Variants in GMEB2 observed in about 807,000 individuals in gnomAD.
The protein encoded by GMEB2 is glucocorticoid modulatory element-binding protein 2.
Under a neutral mutation model 45.7 loss-of-function variants are expected in GMEB2, and 7 were observed. The observed-to-expected ratio is 0.15, with a 90% CI of 0.09 to 0.29. The LOEUF (loss-of-function observed/expected upper bound fraction) is 0.29, where lower values mean the gene tolerates loss of function less well. Ranked by LOEUF, GMEB2 falls within the 10% of genes least tolerant of loss-of-function variation. GMEB2 has a pLI of 1.00. For synonymous variants in GMEB2, 322 were observed against 323.6 expected (o/e 1.00, Z 0.05); for missense variants, 582 against 739.2 (o/e 0.79, Z 2.47).
chr20:63,620,463 G>A (rs1169710539), intron 1 of GMEB2, among the ~76,000 whole-genome samples: 3 of 152,212 alleles, frequency 2.0e-5, no homozygotes. Context: ...GTCAGAGTGT[G>A]GGGGAGGCGA....
chr20:63,619,033 C>T lies in GMEB2; in HGVS notation c.131+234G>A, dbSNP rs924982328. ...CACGGCCTTTCAGGACGTGGAGCCA[C>T]GTGGCCATGCAGGTACGGGAGGCCT... On this transcript the variant is annotated intron_variant, in intron 2 of 9. Transcript: ENST00000370077. The surrounding 1 kb of genome is among the most constrained non-coding windows in gnomAD (Gnocchi z 4.6). Among the ~76,000 whole-genome samples, 1 of 152,216 alleles carries T rather than the reference C, an allele frequency of 6.6e-6. No homozygotes were observed. The highest frequency in any genetic ancestry group is 2.4e-5 in the African/African-American group (1 of 41,452).
chr20:63,589,102 C>A lies in GMEB2; in HGVS notation c.*987G>T, dbSNP rs11696509. ...CTGTTCCGTGGCCAAGCAGCCCAAG[C>A]TGAAGGGCCCACATGGGAATCCTCG... On this transcript the variant is annotated 3_prime_UTR_variant, in exon 10 of 10. Transcript: ENST00000370077. 4 of 399,108 alleles carry A rather than the reference C, an allele frequency of 1.0e-5. No individual in the cohort carries two copies. In the East Asian group the frequency reaches 1.4e-4, roughly 14 times the overall value. 24.7% of individuals were successfully genotyped at this position (399,108 alleles called of 1,614,324 possible).
intron 4 of GMEB2, among the ~76,000 whole-genome samples, chr20:63,600,399 T>C (rs2083233320): frequency 6.6e-6 from 1 of 151,590 alleles, no homozygotes; most frequent in Non-Finnish European, 1.5e-5. Context: ...TGCAGCTGCC[T>C]TGCTCTTCGG....
chr20:63,604,332 C>T (rs925736870), intron 3 of GMEB2, among the ~76,000 whole-genome samples: 1 of 152,032 alleles, frequency 6.6e-6, no homozygotes, highest in African/African-American at 2.4e-5. Context: ...GAACGGTGAT[C>T]GTGCCACTGC....
At chr20:63,614,853 A>G (rs1321296660) in intron 2 of GMEB2, among the ~76,000 whole-genome samples, 1 of 152,164 alleles carries the variant, frequency 6.6e-6, no homozygotes, top group African/African-American at 2.4e-5. Flanking sequence ...CGTGACCCAC[A>G]TGACCTTACC....
At chr20:63,618,734 C>G (rs925098156) in intron 2 of GMEB2, among the ~76,000 whole-genome samples, 1 of 152,172 alleles carries the variant, frequency 6.6e-6, no homozygotes, top group African/African-American at 2.4e-5. Context: ...GCCTTTATTT[C>G]ACCCCAGCAG....
chr20:63,624,373 G>A (rs758198548), intron 1 of GMEB2, among the ~76,000 whole-genome samples: 13 of 150,908 alleles, frequency 8.6e-5, no homozygotes, highest in Non-Finnish European at 1.6e-4. Flanking sequence ...AGGTTGCAGC[G>A]AGCCAAGATT....
chr20:63,616,553 G>A (rs565568863), intron 2 of GMEB2, among the ~76,000 whole-genome samples: 3 of 152,256 alleles, frequency 2.0e-5, no homozygotes, highest in Non-Finnish European at 2.9e-5. Context: ...AGGAGCAGGA[G>A]GGTGCGCGCA....
chr20:63,609,931 C>T (rs79811489), intron 2 of GMEB2, among the ~76,000 whole-genome samples: 1 of 148,560 alleles, frequency 6.7e-6, no homozygotes, highest in East Asian at 2.0e-4. Flanking sequence ...CTGACCCCAC[C>T]TCCATTTCTA....
intron 1 of GMEB2, among the ~76,000 whole-genome samples, chr20:63,623,669 G>C (rs1457698145): frequency 1.3e-5 from 2 of 152,018 alleles, no homozygotes; most frequent in Admixed American, 1.3e-4. Flanking sequence ...GCGGTGGCAG[G>C]TGCCTGTAAT....
Position 63,613,521 on chromosome 20 carries a change from C to CTT in GMEB2, c.131+5744_131+5745dup, listed in dbSNP as rs11481490. Among the ~76,000 whole-genome samples the CTT allele has an allele frequency of 2.1e-3, 294 of 139,496 alleles. 2 individuals are homozygous for CTT. The highest frequency in any genetic ancestry group is 5.8e-3 in the Admixed American group (80 of 13,844). The allele number at this position is 139,496 out of a possible 152,430, so 91.5% of individuals were successfully genotyped here. A position where few individuals can be genotyped will look rare whatever the true frequency, so the allele number is the denominator to read the frequency against. ...TTTATTACTACAACATTTTTGTTTT[C>CTT]TTTTTTTTTTTTTTTTGAGACTGAG... On this transcript the variant is annotated intron_variant, in intron 2 of 9. Coordinates refer to ENST00000370077, the MANE Select transcript of GMEB2 (RefSeq NM_012384.5).
chr20:63,591,251 GCA>G (rs1203632698), intron 9 of GMEB2, among the ~76,000 whole-genome samples: 1 of 152,136 alleles, frequency 6.6e-6, no homozygotes, highest in East Asian at 1.9e-4. Flanking sequence ...AACACACAGT[GCA>G]CACACACTGA....
intron 3 of GMEB2, among the ~76,000 whole-genome samples, chr20:63,603,429 T>C (rs755524543): frequency 1.5e-4 from 23 of 152,244 alleles, no homozygotes; most frequent in Non-Finnish European, 2.9e-4. Flanking sequence ...GGGCCTTTAA[T>C]CTCAGGCAAA....
At chr20:63,626,644 G>T (rs1039300859) in intron 1 of GMEB2, among the ~76,000 whole-genome samples, 1 of 151,720 alleles carries the variant, frequency 6.6e-6, no homozygotes, top group African/African-American at 2.4e-5. Context: ...CCTGCGGGTC[G>T]CACCCCTGCG....
chr20:63,590,229 G>C lies in GMEB2; in HGVS notation c.1453C>G (p.Pro485Ala). 6.2e-7 allele frequency: 1 copy of C among 1,611,388 alleles called. No individual in the cohort carries two copies. Among genetic ancestry groups the C allele is most frequent in the South Asian group, 1.1e-5 (1 of 91,020 alleles). ...GCCTGGGCCACGTTCTGCAGGGTGG[G>C]GCCCAGGCCAGGCAACGTGAGCAGC... is the stretch of plus-strand genomic sequence containing the variant. ...LQLLTLPGLG[P>A]TLQNVAQASP... The change falls in exon 10 of 10, where the codon CCC (proline) becomes GCC (alanine). Residue 485 changes from proline (P) to alanine (A), a missense_variant. By Grantham distance (27) the Pro-to-Ala change is conservative (BLOSUM62 -1). Around this residue, in one of 3 missense-constraint regions of GMEB2, gnomAD observed 462 missense variants for 586.7 expected, o/e 0.79. Coordinates refer to ENST00000370077, the MANE Select transcript of GMEB2 (RefSeq NM_012384.5).
intron 2 of GMEB2, among the ~76,000 whole-genome samples, chr20:63,610,561 A>G (rs2089561711): frequency 6.6e-6 from 1 of 152,074 alleles, no homozygotes; most frequent in African/African-American, 2.4e-5. Flanking sequence ...TAGCAAGAGG[A>G]AGTCTCAATT....
chr20:63,625,749 C>A (rs1189948799), intron 1 of GMEB2, among the ~76,000 whole-genome samples: 1 of 152,016 alleles, frequency 6.6e-6, no homozygotes, highest in Non-Finnish European at 1.5e-5. Context: ...AAGTGCACAC[C>A]ACCACGCCCG....
At chr20:63,603,253 A>T (rs2083254289) in intron 3 of GMEB2, among the ~76,000 whole-genome samples, 161 bp from the exon 4 acceptor site, 1 of 152,214 alleles carries the variant, frequency 6.6e-6, no homozygotes, top group South Asian at 2.1e-4. Flanking sequence ...GGGCATGCCC[A>T]TCAGTGCCAT....
At position 63,619,245 on chromosome 20, in the gene GMEB2, T is replaced by C. The variant is rs1282493702; in HGVS notation, c.131+22A>G. ...CAACCCAAGCCCCCATCAGCCCCAATGGCACCGAGGCCCGAGCTTACCCGT... is the reference window on the plus strand; with the variant it reads ...CAACCCAAGCCCCCATCAGCCCCAACGGCACCGAGGCCCGAGCTTACCCGT... On this transcript the variant is annotated intron_variant, in intron 2 of 9. Transcript: ENST00000370077. The surrounding 1 kb of genome is among the most constrained non-coding windows in gnomAD (Gnocchi z 4.6). 3 of 1,592,838 alleles carry C rather than the reference T, an allele frequency of 1.9e-6. No homozygotes were observed. Among genetic ancestry groups the C allele is most frequent in the Admixed American group, 1.7e-5 (1 of 58,616 alleles).
Sources: allele counts gnomAD v4.1 joint callset (sites outside exome capture counted in the v4.1 genomes callset), GRCh38; gene constraint gnomAD v4.1.1; regional missense constraint gnomAD v4.1.1; non-coding constraint Gnocchi (gnomAD v3.1); transcripts MANE v1.5; gene names NCBI Gene and HGNC (gene_info 2026-07-23, HGNC 2026-07-21).